ME1: variants seen among roughly 807,000 people sequenced by gnomAD.
The protein encoded by ME1 is NADP-dependent malic enzyme.
ME1 carries 74 observed loss-of-function variants against 66.4 expected under a neutral mutation model. The ratio of observed to expected loss-of-function variants is 1.11; its 90% confidence interval spans 0.92 to 1.35. The LOEUF (loss-of-function observed/expected upper bound fraction) is 1.35. Among genes scored for constraint, ME1 ranks in the 40% most tolerant of loss-of-function variants. The probability of loss-of-function intolerance (pLI) is 0.00; values close to 1 mark genes in which losing one functional copy is unlikely to be tolerated. For missense variants in ME1, 750 were observed against 694.1 expected (o/e 1.08, Z -0.90); for synonymous variants, 251 against 235.6 (o/e 1.07, Z -0.60).
At chr6:83,310,790 A>C (rs553439160) in intron 6 of ME1, among the ~76,000 whole-genome samples, 3 of 152,330 alleles carry the variant, frequency 2.0e-5, no homozygotes, top group African/African-American at 7.2e-5. Context: ...CCAACAAGAA[A>C]GCCAGAGGCC....
intron 10 of ME1, among the ~76,000 whole-genome samples, chr6:83,227,965 A>G (rs965997987): frequency 2.6e-5 from 4 of 152,234 alleles, no homozygotes; most frequent in South Asian, 2.1e-4. Flanking sequence ...ATGAAAAACA[A>G]TAAGATTATT....
intron 3 of ME1, chr6:83,392,634 C>T (rs1401976061): frequency 1.0e-5 from 6 of 584,594 alleles, no homozygotes; most frequent in African/African-American, 7.4e-5. Context: ...ATGGAAATCT[C>T]ATCACTATTT....
chr6:83,244,040 T>C (rs374842470), intron 7 of ME1, among the ~76,000 whole-genome samples: 2 of 150,848 alleles, frequency 1.3e-5, no homozygotes, highest in South Asian at 2.1e-4. Context: ...CCAGGCATAA[T>C]TGGGGGCAAG....
chr6:83,260,794 T>C (rs1000348900), intron 6 of ME1, among the ~76,000 whole-genome samples: 1 of 152,222 alleles, frequency 6.6e-6, no homozygotes, highest in African/African-American at 2.4e-5. Flanking sequence ...TCTCACTCTT[T>C]TTTATGGCTG....
chr6:83,253,315 A>G (rs1210479958), intron 7 of ME1, among the ~76,000 whole-genome samples: 1 of 152,178 alleles, frequency 6.6e-6, no homozygotes, highest in Admixed American at 6.6e-5. Flanking sequence ...AGAAGTATGT[A>G]TACTTTTACT....
At chr6:83,401,388 T>C (rs1769837164) in intron 2 of ME1, among the ~76,000 whole-genome samples, 1 of 152,146 alleles carries the variant, frequency 6.6e-6, no homozygotes, top group South Asian at 2.1e-4. Flanking sequence ...TCAGAGATCA[T>C]TGTCTATAAC....
At chr6:83,430,804 C>T in intron 1 of ME1, 73 bp downstream of exon 1, 1 of 1,325,792 alleles carries the variant, frequency 7.5e-7, no homozygotes, top group Non-Finnish European at 1.1e-6. Flanking sequence ...GGCCATGGTG[C>T]GGGGACCTGC....
intron 3 of ME1, among the ~76,000 whole-genome samples, chr6:83,360,430 T>C (rs371831616): frequency 1.3e-5 from 2 of 152,200 alleles, no homozygotes; most frequent in Admixed American, 6.5e-5. Flanking sequence ...AGGTAATTAA[T>C]GGAGTTTTAG....
intron 1 of ME1, among the ~76,000 whole-genome samples, chr6:83,413,362 A>T (rs1480463846): frequency 6.6e-6 from 1 of 152,222 alleles, no homozygotes; most frequent in African/African-American, 2.4e-5. Context: ...AATATTCTTT[A>T]TCTAATATGA....
intron 3 of ME1, among the ~76,000 whole-genome samples, chr6:83,352,585 T>TAA (rs1375162862): frequency 6.6e-6 from 1 of 152,074 alleles, no homozygotes; most frequent in East Asian, 1.9e-4. Flanking sequence ...GATGAGAACA[T>TAA]GTGTTAGAGA....
rs998587148 is a variant in ME1 at position 83,320,290 on chromosome 6, C to T, written c.601-4877G>A. Among the ~76,000 whole-genome samples, 12 of 152,290 alleles carry T rather than the reference C, an allele frequency of 7.9e-5. No individual in the cohort carries two copies. In the South Asian group the frequency reaches 1.0e-3, roughly 13 times the overall value. Reference sequence around the variant, plus strand: ...TAAGAATAATCTGAAGAGGAGTTTACTTACAGGCAACAGAAATTATAGCCC... The same window carrying T: ...TAAGAATAATCTGAAGAGGAGTTTATTTACAGGCAACAGAAATTATAGCCC... On this transcript the variant is annotated intron_variant, in intron 5 of 13. Transcript: ENST00000369705.
chr6:83,294,651 T>C (rs1767561710), intron 6 of ME1, among the ~76,000 whole-genome samples: 1 of 152,142 alleles, frequency 6.6e-6, no homozygotes, highest in African/African-American at 2.4e-5. Flanking sequence ...GTACTGCCCC[T>C]ATTGTCCTCA....
At chr6:83,283,803 A>C (rs1203046214) in intron 6 of ME1, among the ~76,000 whole-genome samples, 1 of 152,160 alleles carries the variant, frequency 6.6e-6, no homozygotes, top group Middle Eastern at 3.2e-3. Context: ...TCAAATTAAC[A>C]ATCTAACATC....
At chr6:83,425,092 T>C (rs1211791353) in intron 1 of ME1, among the ~76,000 whole-genome samples, 1 of 152,146 alleles carries the variant, frequency 6.6e-6, no homozygotes, top group African/African-American at 2.4e-5. Context: ...TGGCTCACTG[T>C]GGCCTCCCAC....
intron 5 of ME1, among the ~76,000 whole-genome samples, chr6:83,330,354 C>T (rs931673351): frequency 1.3e-5 from 2 of 151,982 alleles, no homozygotes; most frequent in African/African-American, 2.4e-5. Context: ...TAAGAATAAG[C>T]AAAGTAACCA....
At position 83,323,521 on chromosome 6, in the gene ME1, C is replaced by A. The variant is rs555454204; in HGVS notation, c.601-8108G>T. On this transcript the variant is annotated intron_variant, in intron 5 of 13. Coordinates refer to ENST00000369705, the MANE Select transcript of ME1 (RefSeq NM_002395.6). ...AAACAAACAAAAAACAAAAAAAAAA[C>A]CCCAGAGGTTGCAATTCTGGTCTCT... Among the ~76,000 whole-genome samples, 1,058 of 148,890 alleles carry A rather than the reference C, an allele frequency of 7.1e-3. 10 individuals carry two copies. Among genetic ancestry groups the A allele is most frequent in the Non-Finnish European group, 0.011 (709 of 67,086 alleles).
intron 3 of ME1, chr6:83,392,967 G>A: frequency 1.2e-6 from 1 of 849,718 alleles, no homozygotes; most frequent in Non-Finnish European, 2.0e-6. Flanking sequence ...GAAGACTATG[G>A]ATGGCTCCTA....
chr6:83,313,818 T>A (rs541184707), intron 6 of ME1, among the ~76,000 whole-genome samples: 2 of 152,240 alleles, frequency 1.3e-5, no homozygotes, highest in East Asian at 3.9e-4. Context: ...TTCAAATAAT[T>A]ACAATAAATA....
In ME1 at chr6:83,346,210, C is replaced by A; in HGVS notation, c.563G>T (p.Cys188Phe). ...TACGGMNPQE[C>F]LPVILDVGTE... ...TCCCACATCCAGAATGACAGGCAGA[C>A]ATTCTTGAGGATTCATCCCTCCGCA... The change falls in exon 5 of 14, where the codon TGT becomes TTT. Residue 188 changes from cysteine (C) to phenylalanine (F), a missense_variant. Transcript: ENST00000369705. 1 of 1,609,946 alleles carries A rather than the reference C, an allele frequency of 6.2e-7. No homozygotes were observed. The highest frequency in any genetic ancestry group is 8.5e-7 in the Non-Finnish European group (1 of 1,177,612).
Sources: gnomAD v4.1 joint callset for allele counts (sites outside exome capture counted in the v4.1 genomes callset) on GRCh38, gnomAD v4.1.1 for gene constraint, MANE v1.5 for transcripts, NCBI Gene and HGNC (gene_info 2026-07-23, HGNC 2026-07-21) for gene names.